CYP4F2: variants seen among roughly 807,000 people sequenced by gnomAD.
CYP4F2 encodes cytochrome P450 4F2.
In CYP4F2, 58 loss-of-function variants were observed where a neutral mutation model predicts 58.9. The ratio of observed to expected loss-of-function variants is 0.98; its 90% CI spans 0.80 to 1.23. The LOEUF (loss-of-function observed/expected upper bound fraction) is 1.23. CYP4F2 is among the 50% of genes most tolerant of loss of function. The probability of loss-of-function intolerance (pLI) is 0.00; values close to 1 mark genes in which losing one functional copy is unlikely to be tolerated. For missense variants in CYP4F2, 616 were observed against 685.6 expected (o/e 0.90, Z 1.13); for synonymous variants, 287 against 261.1 (o/e 1.10, Z -0.95).
chr19:15,878,987 C>A, intron 12 of CYP4F2, 51 bp from the exon 13 acceptor site: 1 of 1,596,028 alleles, frequency 6.3e-7, no homozygotes, highest in East Asian at 2.2e-5. Flanking sequence ...CCCATCCTGG[C>A]CCCATCAAGC....
chr19:15,887,935 T>C (rs2089390864), intron 7 of CYP4F2, among the ~76,000 whole-genome samples: 1 of 143,702 alleles, frequency 7.0e-6, no homozygotes, highest in Non-Finnish European at 1.5e-5. Flanking sequence ...TAGACACAGA[T>C]ATAGACACAG....
chr19:15,881,144 G>C (rs2089341909), intron 9 of CYP4F2, among the ~76,000 whole-genome samples: 1 of 152,206 alleles, frequency 6.6e-6, no homozygotes, highest in Non-Finnish European at 1.5e-5. Flanking sequence ...AGGAAATAGG[G>C]ATCACTAGTC....
At chr19:15,879,198 T>C (rs1373090930) in intron 12 of CYP4F2, 148 bp downstream of exon 12, 8 of 1,310,952 alleles carry the variant, frequency 6.1e-6, no homozygotes, top group Admixed American at 2.2e-5. Flanking sequence ...AACCGTACTC[T>C]ATGGACCTTT....
intron 9 of CYP4F2, 131 bp from the exon 10 acceptor site, chr19:15,880,028 C>T (rs1382146394): frequency 1.4e-5 from 22 of 1,555,874 alleles, no homozygotes; most frequent in South Asian, 7.3e-5. Flanking sequence ...GTTACAAAGT[C>T]GCAAGAATAA....
chr19:15,887,861 C>T (rs956088560), intron 7 of CYP4F2, among the ~76,000 whole-genome samples: 11 of 151,556 alleles, frequency 7.3e-5, no homozygotes, highest in Admixed American at 1.3e-4. Flanking sequence ...CACAGACACA[C>T]GCACACATAG....
chr19:15,895,210 T>C (rs1314677243), intron 3 of CYP4F2, among the ~76,000 whole-genome samples: 1 of 152,062 alleles, frequency 6.6e-6, no homozygotes, highest in Non-Finnish European at 1.5e-5. Context: ...CCCATGAAGT[T>C]GGGGATATCT....
chr19:15,897,065 G>C (rs918672865), intron 2 of CYP4F2, among the ~76,000 whole-genome samples: 2 of 152,198 alleles, frequency 1.3e-5, no homozygotes, highest in African/African-American at 4.8e-5. Context: ...ACCCTGGACA[G>C]TGGGCATAAG....
rs1485429237 is a variant in CYP4F2 at position 15,879,978 on chromosome 19, C to A, written c.1116-81G>T. ...AGCTTCTCTCTGTTTGCAAGTGAGA[C>A]CTTTTCTCCCCGCAATAAAATAAAC... On this transcript the variant is annotated intron_variant, in intron 9 of 12. Coordinates refer to ENST00000221700, the MANE Select transcript of CYP4F2 (RefSeq NM_001082.5). The A allele has an allele frequency of 3.8e-6, 6 of 1,577,252 alleles. No homozygotes were observed. In the African/African-American group the frequency reaches 6.9e-5, roughly 18 times the overall value.
chr19:15,886,466 A>C, intron 7 of CYP4F2, 158 bp from the exon 8 acceptor site: 8 of 899,484 alleles, frequency 8.9e-6, no homozygotes, highest in Non-Finnish European at 1.4e-5. Context: ...CTTGGTCACC[A>C]TGGCCAGAGC....
intron 6 of CYP4F2, 146 bp from the exon 7 acceptor site, chr19:15,889,839 G>A (rs2089406401): frequency 1.6e-6 from 2 of 1,261,168 alleles, no homozygotes; most frequent in South Asian, 1.5e-5. Context: ...GTGGGGATCA[G>A]CATGAGATTG....
chr19:15,890,434 C>T lies in CYP4F2; in HGVS notation c.526-1G>A. 6.2e-7 allele frequency: 1 copy of T among 1,613,960 alleles called. No individual in the cohort carries two copies. The highest frequency in any genetic ancestry group is 8.5e-7 in the Non-Finnish European group (1 of 1,179,902). ...CTGAGGCCAGGAGCTGCCACTTGGC[C>T]TAGCCAGAGAAGGGGACAGAGCTGG... On this transcript the variant is annotated splice_acceptor_variant, in intron 5 of 12. Coordinates refer to ENST00000221700, the MANE Select transcript of CYP4F2 (RefSeq NM_001082.5). LOFTEE classifies it high-confidence loss of function.
intron 1 of CYP4F2, 123 bp downstream of exon 1, chr19:15,897,903 T>A (rs2089458279): frequency 1.1e-5 from 4 of 354,556 alleles, no homozygotes; most frequent in Non-Finnish European, 2.1e-5. Flanking sequence ...GGGGCTTGGT[T>A]TCAGTTACTC....
intron 1 of CYP4F2, 106 bp from the exon 2 acceptor site, chr19:15,897,718 C>G: frequency 7.2e-7 from 1 of 1,381,720 alleles, no homozygotes; most frequent in East Asian, 2.4e-5. Flanking sequence ...GGAGGTAGAG[C>G]AGGGAGGGCT....
At chr19:15,882,016 C>A (rs559169919) in intron 9 of CYP4F2, among the ~76,000 whole-genome samples, 1 of 151,732 alleles carries the variant, frequency 6.6e-6, no homozygotes, top group Admixed American at 6.6e-5. Context: ...AGGCCAAGGG[C>A]GGCAGATCAC....
chr19:15,886,149 A>G (rs1055701085), intron 8 of CYP4F2, 93 bp downstream of exon 8: 4 of 1,606,498 alleles, frequency 2.5e-6, no homozygotes, highest in Admixed American at 1.7e-5. Context: ...AGGATGGGGG[A>G]AGGGGGATGG....
intron 9 of CYP4F2, among the ~76,000 whole-genome samples, chr19:15,885,090 T>C (rs931461229): frequency 2.0e-5 from 3 of 151,762 alleles, no homozygotes; most frequent in African/African-American, 7.3e-5. Context: ...CCCTGCTCTC[T>C]CTCTCTCTCC....
chr19:15,897,326 CA>C, intron 2 of CYP4F2, 87 bp downstream of exon 2: 6 of 1,197,278 alleles, frequency 5.0e-6, no homozygotes, highest in Non-Finnish European at 5.9e-6. Context: ...GATCCCAGCC[CA>C]CCCCTTCACC....
chr19:15,884,492 T>C (rs1430238279), intron 9 of CYP4F2, among the ~76,000 whole-genome samples: 8 of 152,214 alleles, frequency 5.3e-5, no homozygotes, highest in Admixed American at 5.2e-4. Context: ...GTTATGTTTC[T>C]AGCATAAAGA....
chr19:15,878,884 G>T lies in CYP4F2; in HGVS notation c.1450C>A (p.Leu484Ile), dbSNP rs1260328715. The part of the protein sequence containing the change: ...AMAEMKVVLA[L>I]TLLRFRVLPD... The stretch of plus-strand genomic sequence containing the variant: ...AGGACGCGGAAGCGCAGCAGCGTGA[G>T]CGCCAGGACCACCTTCATCTCCGCC... The change falls in exon 13 of 13, where the codon CTC becomes ATC. Residue 484 changes from leucine to isoleucine, a missense_variant. Physicochemically the swap from Leu to Ile is conservative, Grantham distance 5 (BLOSUM62 2). Transcript: ENST00000221700. 6.2e-7 allele frequency: 1 copy of T among 1,613,952 alleles called. No homozygotes were observed. Among genetic ancestry groups the T allele is most frequent in the East Asian group, 2.2e-5 (1 of 44,864 alleles).
Sources: allele counts gnomAD v4.1 joint callset (sites outside exome capture counted in the v4.1 genomes callset), GRCh38; gene constraint gnomAD v4.1.1; transcripts MANE v1.5; gene names NCBI Gene and HGNC (gene_info 2026-07-23, HGNC 2026-07-21).